The following TRPC5 variants were observed in gnomAD, a reference collection of about 807,000 sequenced individuals.
The protein encoded by TRPC5 is transient receptor potential cation channel subfamily C member 5, also known as short transient receptor potential channel 5.
A neutral mutation model predicts 56.5 loss-of-function variants in TRPC5; 9 were observed. The ratio of observed to expected loss-of-function variants is 0.16; its 90% CI spans 0.10 to 0.28. The LOEUF (loss-of-function observed/expected upper bound fraction) is 0.28, where lower values mean the gene tolerates loss of function less well. Ranked by LOEUF, TRPC5 falls within the 10% of genes least tolerant of loss-of-function variation. The pLI, the probability that TRPC5 is intolerant of heterozygous loss-of-function variation, is 1.00. For synonymous variants in TRPC5, 282 were observed against 278.5 expected (o/e 1.01, Z -0.13); for missense variants, 469 against 748.9 (o/e 0.63, Z 4.36).
At position 111,771,432 on chromosome X, in the gene TRPC5, A is replaced by G. The variant is rs1176932177; in HGVS notation, c.*4881T>C. On this transcript the variant is annotated 3_prime_UTR_variant, in exon 11 of 11. Coordinates refer to ENST00000262839, the MANE Select transcript of TRPC5 (RefSeq NM_012471.3). ...AACTCAGATCCAGTAATCAAGTACA[A>G]GATACAAATCCACTCAAGTTGGGGA... 2.7e-5 allele frequency among the ~76,000 whole-genome samples: 3 copies of G among 112,008 alleles called. No individual in the cohort carries two copies. The highest frequency in any genetic ancestry group is 5.6e-5 in the Non-Finnish European group (3 of 53,236).
In TRPC5 at chrX:111,772,471, C is replaced by T. The variant is rs1945848853; in HGVS notation, c.*3842G>A. Among the ~76,000 whole-genome samples the T allele has an allele frequency of 1.8e-5, 2 of 111,656 alleles. No homozygotes were observed. Among genetic ancestry groups the T allele is most frequent in the African/African-American group, 3.3e-5 (1 of 30,754 alleles). On this transcript the variant is annotated 3_prime_UTR_variant, in exon 11 of 11. Coordinates refer to ENST00000262839, the MANE Select transcript of TRPC5 (RefSeq NM_012471.3). ...TTATTTTTGAGACAGTCTCGCTCTG[C>T]CGCCCAGGCTTGAGTGCAGTGGTGT...
At chrX:112,035,700 T>C (rs1372329404) in intron 1 of TRPC5, among the ~76,000 whole-genome samples, 4 of 109,587 alleles carry the variant, frequency 3.7e-5, no homozygotes, top group South Asian at 4.0e-4. Flanking sequence ...GGTGTGATCT[T>C]GGCTCACTGC....
rs928154437 is a variant in TRPC5, at chrX:111,823,596, G to A, written c.1896+11325C>T. On this transcript the variant is annotated intron_variant, in intron 7 of 10. Transcript: ENST00000262839. The stretch of plus-strand genomic sequence containing the variant: ...GGAGGCTGGAAGTATTAGGGGCAGA[G>A]TTGAGAAGAAACTGGTTGTGTGAAG... 1.3e-4 allele frequency among the ~76,000 whole-genome samples: 15 copies of A among 111,369 alleles called. No homozygotes were observed. The East Asian group carries it at 3.4e-3, about 25-fold the overall frequency.
chrX:111,969,037 AT>A (rs1266451110), intron 1 of TRPC5, among the ~76,000 whole-genome samples: 4 of 109,021 alleles, frequency 3.7e-5, no homozygotes, highest in Non-Finnish European at 5.7e-5. Flanking sequence ...AACAAAAAAA[AT>A]AAATAAATAA....
chrX:111,985,757 C>T (rs941933667), intron 1 of TRPC5, among the ~76,000 whole-genome samples: 6 of 111,768 alleles, frequency 5.4e-5, no homozygotes, highest in South Asian at 3.8e-4. Context: ...TTAGGGACTC[C>T]GTGATTAAGT....
At chrX:111,809,430 T>C (rs1438642888) in intron 7 of TRPC5, among the ~76,000 whole-genome samples, 1 of 111,434 alleles carries the variant, frequency 9.0e-6, no homozygotes, top group Non-Finnish European at 1.9e-5. Flanking sequence ...GTGTTGCTTC[T>C]GCTGTGACAG....
intron 1 of TRPC5, among the ~76,000 whole-genome samples, chrX:111,952,858 C>T (rs948295252): frequency 1.8e-5 from 2 of 111,761 alleles, no homozygotes; most frequent in East Asian, 2.8e-4. Context: ...ATTATCAAAG[C>T]AACTGGCATA....
At chrX:112,028,725 A>G (rs914940562) in intron 1 of TRPC5, among the ~76,000 whole-genome samples, 13 of 112,319 alleles carry the variant, frequency 1.2e-4, no homozygotes, top group African/African-American at 3.9e-4. Flanking sequence ...GAATAGTGCC[A>G]CAATAAACAT....
intron 7 of TRPC5, among the ~76,000 whole-genome samples, chrX:111,796,630 T>C (rs1921104830): frequency 8.9e-6 from 1 of 112,197 alleles, no homozygotes; most frequent in Admixed American, 9.5e-5. Context: ...CTTGAATCAA[T>C]AGTTCTCCCA....
At chrX:112,041,417 G>A (rs900175815) in intron 1 of TRPC5, among the ~76,000 whole-genome samples, 22 of 112,163 alleles carry the variant, frequency 2.0e-4, no homozygotes, top group African/African-American at 2.6e-4. Context: ...CCGTGTGCCA[G>A]ACACCATGTT....
chrX:111,954,137 C>A (rs1262563609), intron 1 of TRPC5, among the ~76,000 whole-genome samples: 4 of 112,405 alleles, frequency 3.6e-5, no homozygotes, highest in Non-Finnish European at 7.5e-5. Flanking sequence ...CAATACACAG[C>A]ACAAAACTTT....
chrX:111,930,543 G>T (rs978653082), intron 2 of TRPC5, among the ~76,000 whole-genome samples: 1 of 111,130 alleles, frequency 9.0e-6, no homozygotes, highest in African/African-American at 3.3e-5. Context: ...TGGGGTTGCA[G>T]TGAGCCGAAA....
intron 2 of TRPC5, among the ~76,000 whole-genome samples, chrX:111,924,716 C>T (rs1926213739): frequency 8.9e-6 from 1 of 112,183 alleles, no homozygotes; most frequent in Non-Finnish European, 1.9e-5. Context: ...ATTATTGAGT[C>T]TCACATTCTT....
chrX:111,815,809 C>T (rs1441337392), intron 7 of TRPC5, among the ~76,000 whole-genome samples: 3 of 110,865 alleles, frequency 2.7e-5, no homozygotes, highest in Non-Finnish European at 5.7e-5. Context: ...TCCCTCTTTT[C>T]GCCTGTCCAT....
chrX:112,035,293 G>T (rs1212206985), intron 1 of TRPC5, among the ~76,000 whole-genome samples: 1 of 110,191 alleles, frequency 9.1e-6, no homozygotes, highest in Non-Finnish European at 1.9e-5. Context: ...TTTCTCTAGG[G>T]TTTGCTATTT....
intron 2 of TRPC5, among the ~76,000 whole-genome samples, chrX:111,944,303 T>TGAGAGA (rs774055316): frequency 2.3e-4 from 14 of 61,370 alleles, no homozygotes; most frequent in African/African-American, 5.3e-4. Flanking sequence ...TGTGTGTGTG[T>TGAGAGA]GAGAGAGAGA....
At chrX:111,994,419 G>T (rs1449633368) in intron 1 of TRPC5, among the ~76,000 whole-genome samples, 1 of 111,520 alleles carries the variant, frequency 9.0e-6, no homozygotes, top group African/African-American at 3.3e-5. Flanking sequence ...GTTTAAAGTA[G>T]TTTTTTCCAA....
At chrX:111,899,764 T>A (rs1925247592) in intron 3 of TRPC5, among the ~76,000 whole-genome samples, 1 of 111,593 alleles carries the variant, frequency 9.0e-6, no homozygotes, top group South Asian at 3.7e-4. Flanking sequence ...TGATGCATGT[T>A]CTAAATAAAT....
chrX:111,961,606 T>C (rs1386000997), intron 1 of TRPC5, among the ~76,000 whole-genome samples: 2 of 112,103 alleles, frequency 1.8e-5, no homozygotes, highest in Non-Finnish European at 3.8e-5. Flanking sequence ...TTGGGAATAT[T>C]TAAGATTTCT....
Sources: allele counts gnomAD v4.1 joint callset (sites outside exome capture counted in the v4.1 genomes callset), GRCh38; gene constraint gnomAD v4.1.1; transcripts MANE v1.5; gene names NCBI Gene and HGNC (gene_info 2026-07-23, HGNC 2026-07-21).